SPSB4: variants seen among roughly 807,000 people sequenced by gnomAD.
The protein encoded by SPSB4 is SPRY domain-containing SOCS box protein 4.
SPSB4 carries 21 observed loss-of-function variants against 20.9 expected under a neutral mutation model. The ratio of observed to expected loss-of-function variants is 1.01; its 90% confidence interval spans 0.71 to 1.45. SPSB4 has a LOEUF of 1.45. SPSB4 is among the 40% of genes most tolerant of loss of function. The pLI is 0.00. For missense variants in SPSB4, 399 were observed against 399.2 expected (o/e 1.00, Z 0.00); for synonymous variants, 207 against 183.8 (o/e 1.13, Z -1.02).
chr3:141,082,869 A>G (rs1938265352), intron 2 of SPSB4, among the ~76,000 whole-genome samples: 1 of 152,190 alleles, frequency 6.6e-6, no homozygotes, highest in African/African-American at 2.4e-5. Flanking sequence ...CACTCTGACC[A>G]TGATGAGCTG....
rs578249468 is a variant in SPSB4, at chr3:141,139,321, T to G, written c.695-7821T>G. Among the ~76,000 whole-genome samples the G allele has an allele frequency of 2.6e-5, 4 of 152,278 alleles. No individual in the cohort carries two copies. The East Asian group carries it at 7.7e-4, about 29-fold the overall frequency. On this transcript the variant is annotated intron_variant, in intron 2 of 2. Transcript: ENST00000310546. ...CAGTCTGTGCCTTTTAATTGGAGCA[T>G]TTAGCCCATTTACATTTAAGATTAG... is the stretch of plus-strand genomic sequence containing the variant.
chr3:141,127,131 T>C (rs907453000), intron 2 of SPSB4, among the ~76,000 whole-genome samples: 2 of 152,248 alleles, frequency 1.3e-5, no homozygotes, highest in Non-Finnish European at 2.9e-5. Flanking sequence ...TCATTCTTCC[T>C]CACAGCTGGG....
At chr3:141,125,539 G>A (rs1378204538) in intron 2 of SPSB4, among the ~76,000 whole-genome samples, 6 of 152,214 alleles carry the variant, frequency 3.9e-5, no homozygotes, top group Non-Finnish European at 8.8e-5. Flanking sequence ...CCATTAGTAT[G>A]AATTGAAGTC....
In SPSB4 at chr3:141,066,143, G is replaced by A. The variant is rs1937864811; in HGVS notation, c.39G>A (p.Glu13=). 1 of 1,532,724 alleles carries A rather than the reference G, an allele frequency of 6.5e-7. No individual in the cohort carries two copies. The highest frequency in any genetic ancestry group is 2.0e-5 in the Admixed American group (1 of 49,614). The allele number at this position is 1,532,724 out of a possible 1,614,324, so 94.9% of individuals were successfully genotyped here. A position where few individuals can be genotyped will look rare whatever the true frequency, so the allele number is the denominator to read the frequency against. ...QKLSGSLKSV[E]VREPALRPAK... ...TCTCGGGGAGCCTCAAGTCAGTGGAGGTGCGAGAGCCGGCGCTGCGGCCGG... is the reference window on the plus strand; with the variant it reads ...TCTCGGGGAGCCTCAAGTCAGTGGAAGTGCGAGAGCCGGCGCTGCGGCCGG... Residue 13 remains glutamate (E), a synonymous_variant, in exon 2 of 3, where the codon GAG becomes GAA. Coordinates refer to ENST00000310546, the MANE Select transcript of SPSB4 (RefSeq NM_080862.3).
intron 2 of SPSB4, among the ~76,000 whole-genome samples, chr3:141,136,701 C>T (rs1268534376): frequency 1.3e-5 from 2 of 152,102 alleles, no homozygotes; most frequent in Non-Finnish European, 2.9e-5. Flanking sequence ...TGGTCTATAT[C>T]TCTGTTTTGG....
chr3:141,059,537 A>G (rs1247450289), intron 1 of SPSB4, among the ~76,000 whole-genome samples: 1 of 151,910 alleles, frequency 6.6e-6, no homozygotes, highest in Non-Finnish European at 1.5e-5. Flanking sequence ...ATGAGCAGAT[A>G]TCTCTCCAGA....
intron 2 of SPSB4, among the ~76,000 whole-genome samples, chr3:141,101,013 G>A (rs1266469393): frequency 1.3e-5 from 2 of 152,318 alleles, no homozygotes; most frequent in African/African-American, 4.8e-5. Context: ...GAAGGGAATG[G>A]AAACTCCCAG....
chr3:141,078,945 C>T (rs1452931884), intron 2 of SPSB4, among the ~76,000 whole-genome samples: 1 of 152,312 alleles, frequency 6.6e-6, no homozygotes, highest in East Asian at 1.9e-4. Flanking sequence ...CTGCATCACT[C>T]AGAGGCCACA....
chr3:141,077,297 C>T (rs1938134689), intron 2 of SPSB4: 1 of 152,230 alleles, frequency 6.6e-6, no homozygotes, highest in African/African-American at 2.4e-5. Context: ...TCCTTCTCAG[C>T]GGCTGCTTTC....
chr3:141,072,649 A>T (rs1443640245), intron 2 of SPSB4, among the ~76,000 whole-genome samples: 1 of 152,230 alleles, frequency 6.6e-6, no homozygotes, highest in African/African-American at 2.4e-5. Flanking sequence ...CCTGAGCCAA[A>T]TAAACCTTGT....
At chr3:141,138,746 T>C (rs1162436917) in intron 2 of SPSB4, among the ~76,000 whole-genome samples, 1 of 152,266 alleles carries the variant, frequency 6.6e-6, no homozygotes, top group Admixed American at 6.5e-5. Context: ...AGGAGTGTTT[T>C]ACTTCCAAGT....
chr3:141,062,341 TATA>T (rs1271765394), intron 1 of SPSB4, among the ~76,000 whole-genome samples: 1 of 151,748 alleles, frequency 6.6e-6, no homozygotes, highest in Admixed American at 6.6e-5. Flanking sequence ...TATAACATAA[TATA>T]ATATGATACA....
At chr3:141,112,146 G>T (rs890183340) in intron 2 of SPSB4, among the ~76,000 whole-genome samples, 2 of 152,246 alleles carry the variant, frequency 1.3e-5, no homozygotes, top group Non-Finnish European at 2.9e-5. Flanking sequence ...GCTCCAAGAT[G>T]CCCTTAGGCA....
chr3:141,115,888 G>T lies in SPSB4; in HGVS notation c.695-31254G>T, dbSNP rs74895748. Among the ~76,000 whole-genome samples the T allele has an allele frequency of 8.3e-4, 127 of 152,194 alleles. 2 individuals are homozygous for T. Among genetic ancestry groups the T allele is most frequent in the African/African-American group, 2.9e-3 (121 of 41,514 alleles). On this transcript the variant is annotated intron_variant, in intron 2 of 2. Coordinates refer to ENST00000310546, the MANE Select transcript of SPSB4 (RefSeq NM_080862.3). Reference sequence around the variant, plus strand: ...AGGGGAGCTTGAGTGAGAAAACTGGGCAGACTCCATCCAAGAATTCAGTTT... The same window carrying T: ...AGGGGAGCTTGAGTGAGAAAACTGGTCAGACTCCATCCAAGAATTCAGTTT...
At chr3:141,118,957 T>A (rs1213609828) in intron 2 of SPSB4, among the ~76,000 whole-genome samples, 5 of 152,246 alleles carry the variant, frequency 3.3e-5, no homozygotes, top group Non-Finnish European at 7.3e-5. Context: ...TGCTTAGGAT[T>A]GTCTTGGCTA....
chr3:141,098,549 A>C (rs1043420079), intron 2 of SPSB4, among the ~76,000 whole-genome samples: 1 of 152,176 alleles, frequency 6.6e-6, no homozygotes, highest in African/African-American at 2.4e-5. Flanking sequence ...TTATGAAAGA[A>C]GCCTATCTTT....
rs1268312621 is a variant in SPSB4 at position 141,108,116 on chromosome 3, G to A, written c.695-39026G>A. On this transcript the variant is annotated intron_variant, in intron 2 of 2. Transcript: ENST00000310546. ...CCTTCTGCTGTGAATGGGGGCCAGC[G>A]AGGGTCAGAGTCTTACTGAATTCAC... is the stretch of plus-strand genomic sequence containing the variant. 3.9e-5 allele frequency among the ~76,000 whole-genome samples: 6 copies of A among 152,032 alleles called. No homozygotes were observed. In the East Asian group the frequency reaches 7.7e-4, roughly 20 times the overall value.
intron 1 of SPSB4, among the ~76,000 whole-genome samples, chr3:141,063,503 T>C (rs975446221): frequency 4.6e-5 from 7 of 152,264 alleles, no homozygotes; most frequent in Non-Finnish European, 8.8e-5. Flanking sequence ...ATGTGTATTT[T>C]TATTTTTAGT....
intron 2 of SPSB4, among the ~76,000 whole-genome samples, chr3:141,067,156 T>C (rs1559839702): frequency 6.6e-6 from 1 of 152,220 alleles, no homozygotes; most frequent in Non-Finnish European, 1.5e-5. Context: ...AATCTTCCAG[T>C]CTGTACAAAG....
Sources: gnomAD v4.1 joint callset for allele counts (sites outside exome capture counted in the v4.1 genomes callset) on GRCh38, gnomAD v4.1.1 for gene constraint, MANE v1.5 for transcripts, NCBI Gene and HGNC (gene_info 2026-07-23, HGNC 2026-07-21) for gene names.